The following SHISA9 variants were observed in gnomAD, a reference collection of about 807,000 sequenced individuals.
SHISA9 encodes shisa family member 9.
In SHISA9, 13 loss-of-function variants were observed where a neutral mutation model predicts 38.0. The observed-to-expected ratio is 0.34, with a 90% CI of 0.22 to 0.54. The LOEUF is 0.54. Among genes scored for constraint, SHISA9 ranks in the 20% least tolerant of loss-of-function variants. The pLI, the probability that SHISA9 is intolerant of heterozygous loss-of-function variation, is 0.91. For missense variants in SHISA9, 538 were observed against 575.8 expected (o/e 0.93, Z 0.67); for synonymous variants, 275 against 242.0 (o/e 1.14, Z -1.27).
intron 2 of SHISA9, among the ~76,000 whole-genome samples, chr16:12,978,289 A>G (rs1224227562): frequency 6.6e-6 from 1 of 152,230 alleles, no homozygotes; most frequent in Non-Finnish European, 1.5e-5. Context: ...CATGACTTCT[A>G]GTCTCCCCTG....
chr16:13,157,200 A>C (rs531325005), intron 2 of SHISA9, among the ~76,000 whole-genome samples: 8 of 152,216 alleles, frequency 5.3e-5, no homozygotes, highest in Admixed American at 2.0e-4. Context: ...AAGATGCTTT[A>C]TGTGGTGCTG....
At chr16:13,413,739 C>G in the SHISA9 span, among the ~76,000 whole-genome samples, 3 of 102,668 alleles carry the variant, frequency 2.9e-5, no homozygotes, top group Non-Finnish European at 3.5e-5. Context: ...GCCTGGGTGA[C>G]AGAGGAAGAC....
the SHISA9 span, among the ~76,000 whole-genome samples, chr16:13,352,125 C>T: frequency 1.3e-5 from 2 of 152,138 alleles, no homozygotes; most frequent in Admixed American, 6.5e-5. Context: ...TCCCTCCACT[C>T]CAAGCCCTTG....
At chr16:13,399,307 C>A in the SHISA9 span, among the ~76,000 whole-genome samples, 1 of 152,026 alleles carries the variant, frequency 6.6e-6, no homozygotes, top group Non-Finnish European at 1.5e-5. Context: ...CTGGGTCCTT[C>A]CTTCTAAGTG....
chr16:13,263,056 C>A, the SHISA9 span, among the ~76,000 whole-genome samples: 1 of 152,140 alleles, frequency 6.6e-6, no homozygotes, highest in African/African-American at 2.4e-5. Context: ...CGTAACTATT[C>A]ATTCCTGTGG....
chr16:13,244,120 C>G (rs1194250070), downstream of SHISA9, among the ~76,000 whole-genome samples: 1 of 152,070 alleles, frequency 6.6e-6, no homozygotes, highest in African/African-American at 2.4e-5. Context: ...TGTTCTTAGG[C>G]CATGGATCCT....
At chr16:13,356,207 G>C in the SHISA9 span, among the ~76,000 whole-genome samples, 1 of 152,194 alleles carries the variant, frequency 6.6e-6, no homozygotes, top group Non-Finnish European at 1.5e-5. Context: ...CCTGTTGTGG[G>C]GTTTGAGGGC....
At chr16:13,333,265 T>A in the SHISA9 span, among the ~76,000 whole-genome samples, 6 of 152,226 alleles carry the variant, frequency 3.9e-5, no homozygotes. Context: ...AGTTTGGTCC[T>A]GGAGCCCTTC....
intron 2 of SHISA9, among the ~76,000 whole-genome samples, chr16:13,057,109 G>A (rs562456795): frequency 2.3e-4 from 35 of 152,366 alleles, no homozygotes; most frequent in Non-Finnish European, 3.4e-4. Flanking sequence ...AGCAGAGGGG[G>A]CTGCTGAGCA....
At chr16:13,532,247 G>A in the SHISA9 span, among the ~76,000 whole-genome samples, 1 of 152,200 alleles carries the variant, frequency 6.6e-6, no homozygotes, top group African/African-American at 2.4e-5. Flanking sequence ...AGGATTCTGG[G>A]ACAAGCCCAG....
chr16:13,077,878 T>C (rs1289022589), intron 2 of SHISA9, among the ~76,000 whole-genome samples: 1 of 152,132 alleles, frequency 6.6e-6, no homozygotes. Flanking sequence ...AACAACCATA[T>C]ACACATTTCT....
the SHISA9 span, among the ~76,000 whole-genome samples, chr16:13,320,257 C>T: frequency 7.7e-6 from 1 of 130,450 alleles, no homozygotes; most frequent in Admixed American, 9.0e-5. Flanking sequence ...CATGCCACTG[C>T]ACTCCAGCCT....
chr16:13,213,422 G>A, intron 4 of SHISA9, 122 bp downstream of exon 4: 1 of 836,128 alleles, frequency 1.2e-6, no homozygotes, highest in Non-Finnish European at 1.9e-6. Context: ...GCATAGGGTG[G>A]CATCTGCAAG....
chr16:13,137,461 A>G (rs185681551), intron 2 of SHISA9, among the ~76,000 whole-genome samples: 4 of 144,784 alleles, frequency 2.8e-5, no homozygotes, highest in Admixed American at 6.9e-5. Context: ...TAATCTTTTT[A>G]TTTTTTTTTT....
chr16:13,501,423 T>C, the SHISA9 span, among the ~76,000 whole-genome samples: 4 of 152,168 alleles, frequency 2.6e-5, no homozygotes, highest in Non-Finnish European at 5.9e-5. Flanking sequence ...ATAAACTTTA[T>C]GCCAAGGGCA....
intron 1 of SHISA9, among the ~76,000 whole-genome samples, chr16:12,915,961 G>A (rs1247006317): frequency 6.6e-6 from 1 of 150,646 alleles, no homozygotes. Context: ...ACAGCTCTCT[G>A]GTCTGTTCTA....
chr16:13,016,014 A>AGAGTCTG (rs2072753331), intron 2 of SHISA9, among the ~76,000 whole-genome samples: 1 of 36,758 alleles, frequency 2.7e-5, no homozygotes. Flanking sequence ...TTGAGACAGA[A>AGAGTCTG]TCTCACTCTT....
intron 2 of SHISA9, among the ~76,000 whole-genome samples, chr16:12,989,265 C>T (rs1292301131): frequency 6.6e-6 from 1 of 152,064 alleles, no homozygotes; most frequent in Non-Finnish European, 1.5e-5. Flanking sequence ...CTGACCTCTG[C>T]CTGCCGGGTT....
intron 4 of SHISA9, among the ~76,000 whole-genome samples, chr16:13,230,860 C>G (rs1039846391): frequency 3.3e-5 from 5 of 152,120 alleles, no homozygotes; most frequent in Admixed American, 2.6e-4. Context: ...AGGGTAACTT[C>G]CTGACATTGC....
Sources: gnomAD v4.1 joint callset for allele counts (sites outside exome capture counted in the v4.1 genomes callset) on GRCh38, gnomAD v4.1.1 for gene constraint, MANE v1.5 for transcripts, NCBI Gene and HGNC (gene_info 2026-07-23, HGNC 2026-07-21) for gene names.